ZNF385B: variants seen among roughly 807,000 people sequenced by gnomAD.
The protein encoded by ZNF385B is zinc finger protein 533.
Under a neutral mutation model 39.2 loss-of-function variants are expected in ZNF385B, and 23 were observed. The observed-to-expected ratio is 0.59, with a 90% CI of 0.42 to 0.83. The LOEUF (loss-of-function observed/expected upper bound fraction) is 0.83. Among genes scored for constraint, ZNF385B ranks in the 40% least tolerant of loss-of-function variants. The probability of loss-of-function intolerance (pLI) is 0.00; values close to 1 mark genes in which losing one functional copy is unlikely to be tolerated. For synonymous variants in ZNF385B, 205 were observed against 222.6 expected, an observed-to-expected ratio of 0.92 and a Z score of 0.70; for missense variants, 552 against 598.9, an observed-to-expected ratio of 0.92 and a Z score of 0.82.
At chr2:179,558,089 A>T (rs1398232303) in intron 3 of ZNF385B, among the ~76,000 whole-genome samples, 1 of 152,186 alleles carries the variant, frequency 6.6e-6, no homozygotes, top group Non-Finnish European at 1.5e-5. Context: ...CAATCACAAC[A>T]ACAAAAATGC....
intron 3 of ZNF385B, among the ~76,000 whole-genome samples, chr2:179,584,644 G>A (rs1686897103): frequency 6.6e-6 from 1 of 152,154 alleles, no homozygotes; most frequent in Non-Finnish European, 1.5e-5. Flanking sequence ...AGGTAAGTAG[G>A]AAAACCTACA....
intron 3 of ZNF385B, among the ~76,000 whole-genome samples, chr2:179,588,093 T>C (rs1259460075): frequency 6.6e-6 from 1 of 151,876 alleles, no homozygotes; most frequent in Non-Finnish European, 1.5e-5. Flanking sequence ...CTCTCTTTTA[T>C]TTTTTTTCCC....
At chr2:179,814,601 C>T (rs978295925) in intron 1 of ZNF385B, 5 of 658,240 alleles carry the variant, frequency 7.6e-6, no homozygotes, top group South Asian at 2.8e-5. Flanking sequence ...TCATAGAGAC[C>T]GTGGACTGTA....
At chr2:179,639,352 G>GT (rs1692063913) in intron 3 of ZNF385B, among the ~76,000 whole-genome samples, 1 of 151,990 alleles carries the variant, frequency 6.6e-6, no homozygotes, top group African/African-American at 2.4e-5. Context: ...GTATAGCATG[G>GT]TGACTACAGT....
chr2:179,775,958 G>T (rs1327104579), intron 1 of ZNF385B, among the ~76,000 whole-genome samples: 1 of 152,212 alleles, frequency 6.6e-6, no homozygotes, highest in African/African-American at 2.4e-5. Context: ...GTTAGATACT[G>T]GGAGATGAAT....
intron 3 of ZNF385B, among the ~76,000 whole-genome samples, chr2:179,700,831 G>A (rs1418695915): frequency 2.0e-5 from 3 of 152,076 alleles, no homozygotes; most frequent in Non-Finnish European, 4.4e-5. Flanking sequence ...GGTTAACACG[G>A]TGAAACCCCG....
chr2:179,556,256 CAT>C (rs1366195757), intron 3 of ZNF385B, among the ~76,000 whole-genome samples: 4 of 149,382 alleles, frequency 2.7e-5, no homozygotes, highest in East Asian at 1.9e-4. Flanking sequence ...TTTCGTCAAA[CAT>C]GTGACATACT....
intron 3 of ZNF385B, among the ~76,000 whole-genome samples, chr2:179,652,076 A>G (rs571561835): frequency 4.4e-4 from 67 of 152,306 alleles, no homozygotes; most frequent in African/African-American, 1.5e-3. Flanking sequence ...TCAGAGGATC[A>G]GCAAACTCTT....
chr2:179,859,604 T>C (rs1298211653), intron 1 of ZNF385B, among the ~76,000 whole-genome samples: 1 of 152,228 alleles, frequency 6.6e-6, no homozygotes, highest in Non-Finnish European at 1.5e-5. Context: ...AATAGCTATC[T>C]GATTTGTGGT....
chr2:179,841,153 AG>A (rs1708516251), intron 1 of ZNF385B, among the ~76,000 whole-genome samples: 2 of 152,254 alleles, frequency 1.3e-5, no homozygotes, highest in South Asian at 4.1e-4. Flanking sequence ...GCAGAGAAAA[AG>A]GTAATCAATT....
rs144846617 is a variant in ZNF385B at position 179,822,747 on chromosome 2, C to T, written c.-155+38354G>A. On this transcript the variant is annotated intron_variant, in intron 1 of 9. Coordinates refer to ENST00000410066, the MANE Select transcript of ZNF385B (RefSeq NM_152520.6). The stretch of plus-strand genomic sequence containing the variant: ...CAGATCATTAAGCCTTAAAAAATGA[C>T]GTCATTGGAATACCTTTTTCCATTC... Among the ~76,000 whole-genome samples the T allele has an allele frequency of 1.1e-3, 171 of 152,276 alleles. 1 individual carries two copies. The highest frequency in any genetic ancestry group is 3.4e-3 in the Middle Eastern group (1 of 294).
chr2:179,653,179 T>C (rs1034806482), intron 3 of ZNF385B, among the ~76,000 whole-genome samples: 1 of 152,196 alleles, frequency 6.6e-6, no homozygotes, highest in Non-Finnish European at 1.5e-5. Context: ...TGCCAGCTGA[T>C]TGATGTCATA....
intron 3 of ZNF385B, among the ~76,000 whole-genome samples, chr2:179,733,609 C>G (rs1701538467): frequency 1.3e-5 from 2 of 151,962 alleles, no homozygotes; most frequent in Non-Finnish European, 2.9e-5. Flanking sequence ...GGTGAAACCC[C>G]GTCTCTACTA....
intron 6 of ZNF385B, among the ~76,000 whole-genome samples, chr2:179,455,830 T>C (rs985020152): frequency 6.8e-6 from 1 of 147,098 alleles, no homozygotes; most frequent in Non-Finnish European, 1.5e-5. Flanking sequence ...AGGCAGAGGT[T>C]GCCGTGAGCC....
At chr2:179,534,713 C>G (rs1173622225) in intron 4 of ZNF385B, 2 of 152,074 alleles carry the variant, frequency 1.3e-5, no homozygotes, top group Non-Finnish European at 2.9e-5. Context: ...CTACCTTGTT[C>G]TCCCCTTTAT....
chr2:179,475,595 A>G (rs921396532), intron 6 of ZNF385B, among the ~76,000 whole-genome samples: 1 of 151,672 alleles, frequency 6.6e-6, no homozygotes, highest in Non-Finnish European at 1.5e-5. Flanking sequence ...AAATGAGAGC[A>G]CCAATCCATT....
intron 1 of ZNF385B, among the ~76,000 whole-genome samples, chr2:179,798,049 A>G (rs1283844150): frequency 6.6e-6 from 1 of 152,106 alleles, no homozygotes; most frequent in Non-Finnish European, 1.5e-5. Context: ...TTGGGCCACT[A>G]GAATCTTCCA....
At chr2:179,637,175 T>G (rs1340973638) in intron 3 of ZNF385B, 6 of 152,126 alleles carry the variant, frequency 3.9e-5, no homozygotes, top group African/African-American at 1.4e-4. Context: ...CAGGAAAATT[T>G]CCAGAGCTAT....
chr2:179,533,113 C>G (rs1014198069), intron 4 of ZNF385B, among the ~76,000 whole-genome samples: 4 of 152,180 alleles, frequency 2.6e-5, no homozygotes, highest in African/African-American at 9.6e-5. Context: ...AACTCTACAT[C>G]TGGGTGTCAC....
Sources: allele counts gnomAD v4.1 joint callset (sites outside exome capture counted in the v4.1 genomes callset), GRCh38; gene constraint gnomAD v4.1.1; transcripts MANE v1.5; gene names NCBI Gene and HGNC (gene_info 2026-07-23, HGNC 2026-07-21).